Variants in SBF2 observed in about 807,000 individuals in gnomAD.
The protein encoded by SBF2 is SET binding factor 2.
In SBF2, 112 loss-of-function variants were observed where a neutral mutation model predicts 225.2. That is an observed-to-expected ratio of 0.50 (90% confidence interval 0.43 to 0.58). The LOEUF (loss-of-function observed/expected upper bound fraction) is 0.58, where lower values mean the gene tolerates loss of function less well. Among genes scored for constraint, SBF2 ranks in the 20% least tolerant of loss-of-function variants. The pLI is 0.00. For missense variants in SBF2, 1,996 were observed against 2,206.2 expected, an observed-to-expected ratio of 0.90 and a Z score of 1.91; for synonymous variants, 763 against 773.3, an observed-to-expected ratio of 0.99 and a Z score of 0.22.
At chr11:9,852,350 A>AG (rs372184366) in intron 21 of SBF2, among the ~76,000 whole-genome samples, 1 of 150,562 alleles carries the variant, frequency 6.6e-6, no homozygotes, top group South Asian at 2.1e-4. Flanking sequence ...GTGGTGGGGG[A>AG]GGGGGAGAAA....
At chr11:9,956,823 G>C (rs981584264) in intron 16 of SBF2, 1 of 152,142 alleles carries the variant, frequency 6.6e-6, no homozygotes, top group African/African-American at 2.4e-5. Flanking sequence ...CTGCTCAGTA[G>C]TCTTAACAAA....
chr11:10,069,116 T>C (rs1048112348), intron 2 of SBF2, among the ~76,000 whole-genome samples: 16 of 152,218 alleles, frequency 1.1e-4, no homozygotes, highest in African/African-American at 3.9e-4. Context: ...TTTACCCTTA[T>C]TTAGATACAC....
chr11:10,269,568 G>C (rs1443856799), intron 1 of SBF2, among the ~76,000 whole-genome samples: 1 of 152,158 alleles, frequency 6.6e-6, no homozygotes, highest in Non-Finnish European at 1.5e-5. Flanking sequence ...TTGTGTACCA[G>C]ACACTGTTTT....
chr11:10,194,459 C>A (rs1461076690), intron 1 of SBF2, among the ~76,000 whole-genome samples: 1 of 152,234 alleles, frequency 6.6e-6, no homozygotes, highest in East Asian at 1.9e-4. Flanking sequence ...TGGAACAAAT[C>A]CCCTGCAAAT....
Position 10,294,036 on chromosome 11 carries a change from C to T in SBF2, c.34G>A (p.Gly12Ser), listed in dbSNP as rs1168053222. The change falls in exon 1 of 40, where the codon GGC becomes AGC. Residue 12 changes from glycine to serine, a missense_variant. Coordinates refer to ENST00000256190, the MANE Select transcript of SBF2 (RefSeq NM_030962.4). ...TTACCTGGCTTCTCGTGGTCATAGC[C>T]TACCACGATGAAGTAGTCAGCCAGC... Reference protein sequence around the residue: ...ARLADYFIVVGYDHEKPGSGE... With the variant: ...ARLADYFIVVSYDHEKPGSGE... The T allele has an allele frequency of 2.8e-6, 4 of 1,404,280 alleles. No homozygotes were observed. The highest frequency in any genetic ancestry group is 3.7e-6 in the Non-Finnish European group (4 of 1,072,994). 87.0% of individuals were successfully genotyped at this position (1,404,280 alleles called of 1,614,324 possible). A position where few individuals can be genotyped will look rare whatever the true frequency, so the allele number is the denominator to read the frequency against.
intron 6 of SBF2, among the ~76,000 whole-genome samples, chr11:10,009,491 T>C (rs1030652758): frequency 6.6e-6 from 1 of 152,118 alleles, no homozygotes; most frequent in Non-Finnish European, 1.5e-5. Context: ...CTCCCACTTA[T>C]GAGTGAGAAC....
In SBF2 at chr11:9,870,082, C is replaced by T. The variant is rs113964832; in HGVS notation, c.1930-11686G>A. Reference sequence around the variant, plus strand: ...ACAACAGGCAAGCAGAGAGCCAAATCATGAATGAACTCTCATTCACAATTG... The same window carrying T: ...ACAACAGGCAAGCAGAGAGCCAAATTATGAATGAACTCTCATTCACAATTG... On this transcript the variant is annotated intron_variant, in intron 17 of 39. Transcript: ENST00000256190. Among the ~76,000 whole-genome samples, 91 of 152,176 alleles carry T rather than the reference C, an allele frequency of 6.0e-4. 1 individual carries two copies. Among genetic ancestry groups the T allele is most frequent in the African/African-American group, 1.9e-3 (78 of 41,510 alleles).
intron 2 of SBF2, among the ~76,000 whole-genome samples, chr11:10,044,186 T>A (rs1450268501): frequency 6.9e-6 from 1 of 143,910 alleles, no homozygotes; most frequent in Non-Finnish European, 1.5e-5. Context: ...TAGAGAAAAA[T>A]CAATAAAATA....
At position 10,280,574 on chromosome 11, in the gene SBF2, A is replaced by G. The variant is rs189280392; in HGVS notation, c.55+13441T>C. ...TTTTTACCCTGAAGAATAGGCATTC[A>G]AAGTTTTCCAACCAGATACTCTTAC... On this transcript the variant is annotated intron_variant, in intron 1 of 39. Transcript: ENST00000256190. Among the ~76,000 whole-genome samples the G allele has an allele frequency of 3.5e-3, 534 of 152,380 alleles. 2 individuals are homozygous for G. The highest frequency in any genetic ancestry group is 4.8e-3 in the Non-Finnish European group (329 of 68,038).
chr11:9,924,255 T>C (rs1863853619), intron 16 of SBF2, among the ~76,000 whole-genome samples: 1 of 152,190 alleles, frequency 6.6e-6, no homozygotes, highest in Admixed American at 6.5e-5. Context: ...TTTCCACTTT[T>C]AGTATAGTAT....
At chr11:10,162,454 T>C (rs1955794083) in intron 2 of SBF2, among the ~76,000 whole-genome samples, 1 of 152,206 alleles carries the variant, frequency 6.6e-6, no homozygotes. Context: ...ACGCAGGGTT[T>C]CATGTTGTCT....
Position 10,202,413 on chromosome 11 carries a change from T to G in SBF2, c.56-8426A>C, listed in dbSNP as rs1303888087. ...AGTTTCCGGCAGTCTAGAAATAAGC[T>G]CTGCAAAATCAAAGTTCTTCACACT... is the stretch of plus-strand genomic sequence containing the variant. On this transcript the variant is annotated intron_variant, in intron 1 of 39. Transcript: ENST00000256190. 1.3e-5 allele frequency among the ~76,000 whole-genome samples: 2 copies of G among 152,160 alleles called. 1 individual carries two copies. Among genetic ancestry groups the G allele is most frequent in the Admixed American group, 1.3e-4 (2 of 15,270 alleles).
In SBF2 at chr11:9,780,218, C is replaced by T. The variant is rs1851919794; in HGVS notation, c.*200G>A. Reference sequence around the variant, plus strand: ...AATTTAGTGCAAGATACAGGGAGTGCATGGGGCTGTTGACCAGACCTGTGT... The same window carrying T: ...AATTTAGTGCAAGATACAGGGAGTGTATGGGGCTGTTGACCAGACCTGTGT... On this transcript the variant is annotated 3_prime_UTR_variant, in exon 40 of 40. Transcript: ENST00000256190. 3.2e-6 allele frequency: 2 copies of T among 623,046 alleles called. No individual in the cohort carries two copies. The highest frequency in any genetic ancestry group is 1.8e-5 in the African/African-American group (1 of 55,016). 38.6% of individuals were successfully genotyped at this position (623,046 alleles called of 1,614,324 possible).
At chr11:10,259,067 T>G (rs1961176856) in intron 1 of SBF2, among the ~76,000 whole-genome samples, 1 of 152,194 alleles carries the variant, frequency 6.6e-6, no homozygotes, top group South Asian at 2.1e-4. Flanking sequence ...TATTGTACCC[T>G]TATAATATTG....
chr11:9,859,567 G>T (rs1174340058), intron 17 of SBF2, among the ~76,000 whole-genome samples: 1 of 152,174 alleles, frequency 6.6e-6, no homozygotes, highest in African/African-American at 2.4e-5. Context: ...TCTGTGAGTA[G>T]AACTAAAGTT....
intron 13 of SBF2, among the ~76,000 whole-genome samples, chr11:9,984,343 G>T (rs1947098587): frequency 1.3e-5 from 2 of 152,140 alleles, no homozygotes; most frequent in Admixed American, 1.3e-4. Flanking sequence ...AGAGCTGGAA[G>T]ACAAGGTCTT....
At chr11:9,956,336 C>T (rs1223575009) in intron 16 of SBF2, among the ~76,000 whole-genome samples, 1 of 152,124 alleles carries the variant, frequency 6.6e-6, no homozygotes, top group Non-Finnish European at 1.5e-5. Flanking sequence ...GACCAATAAT[C>T]TTATTTCTCA....
At chr11:9,788,382 C>T (rs574614626) in intron 35 of SBF2, among the ~76,000 whole-genome samples, 17 of 152,218 alleles carry the variant, frequency 1.1e-4, no homozygotes, top group South Asian at 6.2e-4. Context: ...GGGTTGGTTC[C>T]GGAACATTCC....
intron 2 of SBF2, among the ~76,000 whole-genome samples, chr11:10,190,146 C>T (rs574059124): frequency 3.4e-4 from 6 of 17,484 alleles, no homozygotes; most frequent in East Asian, 3.2e-3. Flanking sequence ...AGTGAAACTC[C>T]GTCTAAAAAA....
Sources: allele counts gnomAD v4.1 joint callset (sites outside exome capture counted in the v4.1 genomes callset), GRCh38; gene constraint gnomAD v4.1.1; transcripts MANE v1.5; gene names NCBI Gene and HGNC (gene_info 2026-07-23, HGNC 2026-07-21).